Variants in PLPPR1 observed in about 807,000 individuals in gnomAD.
PLPPR1 encodes phospholipid phosphatase related 1.
PLPPR1 carries 10 observed loss-of-function variants against 33.1 expected under a neutral mutation model. The observed-to-expected ratio is 0.30, with a 90% CI of 0.19 to 0.51. The LOEUF is 0.51. PLPPR1 is among the 20% of genes least tolerant of loss of function. PLPPR1 has a pLI of 0.97. For missense variants in PLPPR1, 304 were observed against 408.1 expected, an observed-to-expected ratio of 0.74 and a Z score of 2.20; for synonymous variants, 151 against 151.0, an observed-to-expected ratio of 1.00 and a Z score of 0.00.
chr9:101,261,854 A>G (rs1254532377), intron 2 of PLPPR1, among the ~76,000 whole-genome samples: 1 of 152,122 alleles, frequency 6.6e-6, no homozygotes, highest in Non-Finnish European at 1.5e-5. Context: ...AGGGCAGAGG[A>G]TCAGGAAAAA....
At chr9:101,049,332 T>A (rs541180880) in intron 1 of PLPPR1, among the ~76,000 whole-genome samples, 2 of 152,328 alleles carry the variant, frequency 1.3e-5, no homozygotes, top group South Asian at 4.1e-4. Context: ...AATATCTAAA[T>A]GCTTAACAAG....
intron 3 of PLPPR1, among the ~76,000 whole-genome samples, chr9:101,284,700 T>G (rs977431863): frequency 2.0e-5 from 3 of 152,226 alleles, no homozygotes; most frequent in Non-Finnish European, 4.4e-5. Context: ...TTTTGAAATT[T>G]TATACTTTTT....
At position 101,137,072 on chromosome 9, in the gene PLPPR1, A is replaced by AT. The variant is rs1430311949; in HGVS notation, c.-45-48377dup. On this transcript the variant is annotated intron_variant, in intron 1 of 7. Coordinates refer to ENST00000374874, the MANE Select transcript of PLPPR1 (RefSeq NM_207299.2). The stretch of plus-strand genomic sequence containing the variant: ...CCAGGATGTGGTTATTACACGTTGT[A>AT]TGCTTGTTTCAAAATATCTTATATA... Among the ~76,000 whole-genome samples the AT allele has an allele frequency of 4.6e-5, 7 of 152,324 alleles. No homozygotes were observed. In the East Asian group the frequency reaches 1.3e-3, roughly 29 times the overall value.
intron 4 of PLPPR1, among the ~76,000 whole-genome samples, chr9:101,293,854 A>G (rs1275232361): frequency 2.0e-5 from 3 of 152,098 alleles, no homozygotes; most frequent in Admixed American, 2.0e-4. Context: ...GAAAGCAGGA[A>G]AGATCCAAAA....
Position 101,301,176 on chromosome 9 carries a change from G to C in PLPPR1, c.386-8035G>C, listed in dbSNP as rs1828744946. ...ATGAGTAATTACAATGACAAATACA[G>C]GGTATTTTTTTCTAAACCACCAGCT... On this transcript the variant is annotated intron_variant, in intron 4 of 7. Transcript: ENST00000374874. Among the ~76,000 whole-genome samples the C allele has an allele frequency of 1.3e-5, 2 of 152,134 alleles. 1 individual carries two copies. The highest frequency in any genetic ancestry group is 4.1e-4 in the South Asian group (2 of 4,820).
At chr9:101,029,914 A>G (rs1829922698) in intron 1 of PLPPR1, among the ~76,000 whole-genome samples, 1 of 152,086 alleles carries the variant, frequency 6.6e-6, no homozygotes, top group Non-Finnish European at 1.5e-5. Flanking sequence ...CTCCCAACCC[A>G]TTTCCCAAGG....
chr9:101,311,475 G>A lies in PLPPR1; in HGVS notation c.637-1323G>A, dbSNP rs559741710. ...TAACCATAGGCTCATGCTTTTAATA[G>A]TTTTTAATCTTTCTTATAGGAAAGA... On this transcript the variant is annotated intron_variant, in intron 5 of 7. Transcript: ENST00000374874. Among the ~76,000 whole-genome samples, 16 of 152,228 alleles carry A rather than the reference G, an allele frequency of 1.1e-4. 1 individual carries two copies. The South Asian group carries it at 3.1e-3, about 30-fold the overall frequency.
At chr9:101,098,960 C>G (rs1471874501) in intron 1 of PLPPR1, among the ~76,000 whole-genome samples, 1 of 152,126 alleles carries the variant, frequency 6.6e-6, no homozygotes, top group Non-Finnish European at 1.5e-5. Context: ...TGTTCTTATA[C>G]AAGGACAGGC....
intron 1 of PLPPR1, among the ~76,000 whole-genome samples, chr9:101,059,560 C>T (rs1265806309): frequency 6.6e-6 from 1 of 151,912 alleles, no homozygotes; most frequent in Non-Finnish European, 1.5e-5. Flanking sequence ...ATTTGCAAAC[C>T]ATATATCTGA....
intron 7 of PLPPR1, among the ~76,000 whole-genome samples, chr9:101,320,696 G>A (rs1050008905): frequency 6.6e-6 from 1 of 152,190 alleles, no homozygotes; most frequent in South Asian, 2.1e-4. Context: ...TGGATAGTTA[G>A]AAAGATAAAC....
At chr9:101,176,102 G>A (rs1416416449) in intron 1 of PLPPR1, among the ~76,000 whole-genome samples, 1 of 152,170 alleles carries the variant, frequency 6.6e-6, no homozygotes, top group African/African-American at 2.4e-5. Context: ...CCCAAGGAAA[G>A]CCTGCTTGTT....
intron 1 of PLPPR1, among the ~76,000 whole-genome samples, chr9:101,058,286 G>A (rs1307198234): frequency 6.7e-6 from 1 of 150,282 alleles, no homozygotes; most frequent in Non-Finnish European, 1.5e-5. Flanking sequence ...ATGTGATGAT[G>A]AGAACTAACA....
Position 101,286,101 on chromosome 9 carries a change from T to C in PLPPR1, c.253-3T>C. The C allele has an allele frequency of 1.9e-6, 3 of 1,611,402 alleles. No individual in the cohort carries two copies. The highest frequency in any genetic ancestry group is 2.5e-6 in the Non-Finnish European group (3 of 1,178,096). On this transcript the variant is annotated splice_region_variant and splice_polypyrimidine_tract_variant and intron_variant, in intron 3 of 7. Transcript: ENST00000374874. ...TGACATTTCTTAAACATTCCTTCCCTAGATTTTTATTGGTGAGATATCCAT... is the reference window on the plus strand; with the variant it reads ...TGACATTTCTTAAACATTCCTTCCCCAGATTTTTATTGGTGAGATATCCAT...
intron 2 of PLPPR1, among the ~76,000 whole-genome samples, chr9:101,231,533 C>A (rs1827187062): frequency 6.6e-6 from 1 of 151,958 alleles, no homozygotes; most frequent in African/African-American, 2.4e-5. Flanking sequence ...ATGTGATTAT[C>A]CTATTGATTG....
intron 1 of PLPPR1, among the ~76,000 whole-genome samples, chr9:101,172,866 C>G (rs971121333): frequency 2.6e-5 from 4 of 152,164 alleles, no homozygotes; most frequent in African/African-American, 9.6e-5. Context: ...TCTGCTTGTT[C>G]CCATCTTTCA....
At chr9:101,267,907 A>G (rs1261241447) in intron 2 of PLPPR1, among the ~76,000 whole-genome samples, 1 of 152,190 alleles carries the variant, frequency 6.6e-6, no homozygotes, top group Non-Finnish European at 1.5e-5. Context: ...TTTTGGAGAC[A>G]GAGTCTCTAT....
chr9:101,300,024 G>A (rs1181713978), intron 4 of PLPPR1, among the ~76,000 whole-genome samples: 1 of 151,974 alleles, frequency 6.6e-6, no homozygotes, highest in African/African-American at 2.4e-5. Context: ...ATATTTCAAA[G>A]ACTTTTAAGA....
intron 2 of PLPPR1, among the ~76,000 whole-genome samples, chr9:101,258,496 C>A (rs777819121): frequency 3.9e-5 from 6 of 152,100 alleles, no homozygotes; most frequent in Non-Finnish European, 8.8e-5. Flanking sequence ...CAAGTTAGCA[C>A]CAAAATCAGT....
intron 1 of PLPPR1, among the ~76,000 whole-genome samples, chr9:101,066,996 T>C (rs185528250): frequency 5.2e-4 from 79 of 152,154 alleles, no homozygotes; most frequent in African/African-American, 1.9e-3. Flanking sequence ...CCCTGCATGA[T>C]GGTGTTCCAG....
Sources: gnomAD v4.1 joint callset for allele counts (sites outside exome capture counted in the v4.1 genomes callset) on GRCh38, gnomAD v4.1.1 for gene constraint, MANE v1.5 for transcripts, NCBI Gene and HGNC (gene_info 2026-07-23, HGNC 2026-07-21) for gene names.